The following MCTP2 variants were observed in gnomAD, a reference collection of about 807,000 sequenced individuals.
MCTP2 encodes multiple C2 and transmembrane domain containing 2.
MCTP2 carries 132 observed loss-of-function variants against 111.6 expected under a neutral mutation model. That is an observed-to-expected ratio of 1.18 (90% confidence interval 1.03 to 1.37). The LOEUF (loss-of-function observed/expected upper bound fraction) is 1.37, where lower values mean the gene tolerates loss of function less well. MCTP2 is among the 40% of genes most tolerant of loss of function. The pLI is 0.00. For missense variants in MCTP2, 1,183 were observed against 1,067.9 expected (o/e 1.11, Z -1.50); for synonymous variants, 395 against 387.7 (o/e 1.02, Z -0.22).
chr15:94,307,363 A>G (rs11631165), intron 2 of MCTP2, among the ~76,000 whole-genome samples: 25,631 of 152,048 alleles, frequency 0.17, 2,413 homozygotes, highest in Non-Finnish European at 0.22. Context: ...GGAGGTGAGG[A>G]AGTGGGTTGT....
chr15:94,337,518 A>G lies in MCTP2; in HGVS notation c.638-1772A>G, dbSNP rs574594985. ...CACTTTTTTATATATATATATCAGAATGATTGTTAAAGTCTGCCTCGCCAG... is the reference window on the plus strand; with the variant it reads ...CACTTTTTTATATATATATATCAGAGTGATTGTTAAAGTCTGCCTCGCCAG... On this transcript the variant is annotated intron_variant, in intron 4 of 22. Coordinates refer to ENST00000357742, the MANE Select transcript of MCTP2 (RefSeq NM_001385001.1). Among the ~76,000 whole-genome samples, 4 of 141,106 alleles carry G rather than the reference A, an allele frequency of 2.8e-5. No homozygotes were observed. The South Asian group carries it at 9.3e-4, about 33-fold the overall frequency. The allele number at this position is 141,106 out of a possible 152,430, so 92.6% of individuals were successfully genotyped here. A position where few individuals can be genotyped will look rare whatever the true frequency, so the allele number is the denominator to read the frequency against.
At chr15:94,457,328 C>A (rs2084894885) in intron 19 of MCTP2, among the ~76,000 whole-genome samples, 1 of 152,098 alleles carries the variant, frequency 6.6e-6, no homozygotes, top group South Asian at 2.1e-4. Flanking sequence ...TTCTAAGTAA[C>A]CTGCATAACT....
chr15:94,384,054 G>A lies in MCTP2; in HGVS notation c.1615G>A (p.Gly539Ser). 6.2e-7 allele frequency: 1 copy of A among 1,613,866 alleles called. No individual in the cohort carries two copies. The highest frequency in any genetic ancestry group is 8.5e-7 in the Non-Finnish European group (1 of 1,179,890). The change falls in exon 13 of 23, where the codon GGC becomes AGC. Residue 539 changes from glycine (G) to serine (S), a missense_variant. Physicochemically the swap from Gly to Ser is moderately conservative, Grantham distance 56. Coordinates refer to ENST00000357742, the MANE Select transcript of MCTP2 (RefSeq NM_001385001.1). ...TGACCCATTTTGCTTGTTGGAGTTAGGCAATGACCGACTTCAGACGCATAC... is the reference window on the plus strand; with the variant it reads ...TGACCCATTTTGCTTGTTGGAGTTAAGCAATGACCGACTTCAGACGCATAC... ...KSDPFCLLEL[G>S]NDRLQTHTVY... is the part of the protein sequence containing the mutation.
intron 12 of MCTP2, among the ~76,000 whole-genome samples, chr15:94,378,951 G>A (rs970755749): frequency 6.6e-6 from 1 of 152,182 alleles, no homozygotes; most frequent in Non-Finnish European, 1.5e-5. Flanking sequence ...CATACAGCAG[G>A]CATTATAATG....
At chr15:94,306,956 C>T (rs2075910488) in intron 2 of MCTP2, among the ~76,000 whole-genome samples, 1 of 152,140 alleles carries the variant, frequency 6.6e-6, no homozygotes. Context: ...CTCTACACTT[C>T]AATGACGTCA....
At chr15:94,287,711 C>T (rs979575152) in intron 1 of MCTP2, among the ~76,000 whole-genome samples, 1 of 152,218 alleles carries the variant, frequency 6.6e-6, no homozygotes, top group Non-Finnish European at 1.5e-5. Context: ...AGCCATTCTC[C>T]TCATTCATCA....
At chr15:94,365,707 A>T (rs924378101) in intron 10 of MCTP2, among the ~76,000 whole-genome samples, 3 of 152,172 alleles carry the variant, frequency 2.0e-5, no homozygotes, top group Non-Finnish European at 4.4e-5. Flanking sequence ...ACCTTCAAAC[A>T]TTATTAGCTG....
At chr15:94,284,602 T>G (rs929072484) in intron 1 of MCTP2, among the ~76,000 whole-genome samples, 1 of 152,226 alleles carries the variant, frequency 6.6e-6, no homozygotes. Context: ...ATTAAAAATA[T>G]GTTTATATAT....
intron 8 of MCTP2, among the ~76,000 whole-genome samples, chr15:94,353,161 C>T (rs898145480): frequency 8.5e-5 from 13 of 152,274 alleles, no homozygotes; most frequent in Admixed American, 6.5e-4. Context: ...AACATGACTG[C>T]GTTAAATACT....
At chr15:94,232,945 C>G (rs1342057542) in intron 1 of MCTP2, among the ~76,000 whole-genome samples, 1 of 152,144 alleles carries the variant, frequency 6.6e-6, no homozygotes, top group African/African-American at 2.4e-5. Context: ...AGATACTATT[C>G]CCCTGTGCAG....
At chr15:94,357,429 C>A (rs10451016) in intron 9 of MCTP2, among the ~76,000 whole-genome samples, 28,804 of 152,106 alleles carry the variant, frequency 0.19, 2,986 homozygotes, top group East Asian at 0.31. Context: ...AAAAATTATT[C>A]ATCACTAAGC....
chr15:94,267,765 T>C (rs1046958564), intron 1 of MCTP2, among the ~76,000 whole-genome samples: 10 of 152,080 alleles, frequency 6.6e-5, no homozygotes, highest in African/African-American at 2.4e-4. Flanking sequence ...ATTTTTGGTT[T>C]GTTTGGTTTT....
At chr15:94,406,153 A>T (rs191632919) in intron 17 of MCTP2, among the ~76,000 whole-genome samples, 3 of 152,318 alleles carry the variant, frequency 2.0e-5, no homozygotes, top group Admixed American at 2.0e-4. Context: ...TTCATAGTTC[A>T]TGTTATTTCA....
intron 17 of MCTP2, among the ~76,000 whole-genome samples, chr15:94,418,359 A>T (rs2082470076): frequency 6.6e-6 from 1 of 152,126 alleles, no homozygotes; most frequent in Non-Finnish European, 1.5e-5. Flanking sequence ...ACCTACCTTT[A>T]TGGAGAATAA....
At chr15:94,247,929 T>G (rs1039542807) in intron 1 of MCTP2, among the ~76,000 whole-genome samples, 1 of 152,188 alleles carries the variant, frequency 6.6e-6, no homozygotes, top group African/African-American at 2.4e-5. Context: ...CAGGTATTGA[T>G]GTGGACTGGG....
chr15:94,247,807 T>TC (rs563069791), intron 1 of MCTP2, among the ~76,000 whole-genome samples: 21 of 152,304 alleles, frequency 1.4e-4, no homozygotes, highest in African/African-American at 4.8e-4. Context: ...ACTCCACTAG[T>TC]CTCTAGGCAG....
intron 20 of MCTP2, among the ~76,000 whole-genome samples, chr15:94,464,258 TATATA>T (rs2085428122): frequency 3.6e-5 from 1 of 27,536 alleles, no homozygotes; most frequent in Non-Finnish European, 7.0e-5. Context: ...ATATATATAT[TATATA>T]TATATATATA....
chr15:94,427,943 A>G (rs925665019), intron 17 of MCTP2, among the ~76,000 whole-genome samples: 3 of 152,294 alleles, frequency 2.0e-5, no homozygotes, highest in Admixed American at 6.5e-5. Context: ...CTTAACAACA[A>G]TAGTATCGGA....
chr15:94,471,442 G>A (rs1366557005), intron 21 of MCTP2, among the ~76,000 whole-genome samples: 1 of 152,152 alleles, frequency 6.6e-6, no homozygotes, highest in East Asian at 1.9e-4. Flanking sequence ...TTTTCAAAGA[G>A]CATCCAACAA....
Sources: gnomAD v4.1 joint callset for allele counts (sites outside exome capture counted in the v4.1 genomes callset) on GRCh38, gnomAD v4.1.1 for gene constraint, MANE v1.5 for transcripts, NCBI Gene and HGNC (gene_info 2026-07-23, HGNC 2026-07-21) for gene names.